Variants in GPLD1 observed in about 807,000 individuals in gnomAD.
GPLD1 encodes phosphatidylinositol-glycan-specific phospholipase D.
A neutral mutation model predicts 112.6 loss-of-function variants in GPLD1; 84 were observed. The ratio of observed to expected loss-of-function variants is 0.75; its 90% CI spans 0.63 to 0.89. The LOEUF (loss-of-function observed/expected upper bound fraction) is 0.89. Among genes scored for constraint, GPLD1 ranks in the 40% least tolerant of loss-of-function variants. GPLD1 has a pLI of 0.00. For missense variants in GPLD1, 1,044 were observed against 1,051.5 expected (o/e 0.99, Z 0.10); for synonymous variants, 386 against 403.8 (o/e 0.96, Z 0.53).
At chr6:24,481,428 C>T (rs1281670569) in intron 2 of GPLD1, among the ~76,000 whole-genome samples, 2 of 148,800 alleles carry the variant, frequency 1.3e-5, no homozygotes, top group African/African-American at 5.0e-5. Flanking sequence ...GAAATTAAAA[C>T]ACAAAGAAAG....
At chr6:24,433,279 G>C in intron 23 of GPLD1, 42 bp from the exon 24 acceptor site, 2 of 1,591,604 alleles carry the variant, frequency 1.3e-6, no homozygotes, top group Non-Finnish European at 1.7e-6. Context: ...GAAGAACATA[G>C]TGTAATACTT....
chr6:24,491,567 G>C (rs1409181641), upstream of GPLD1, among the ~76,000 whole-genome samples: 5 of 152,060 alleles, frequency 3.3e-5, no homozygotes, highest in Non-Finnish European at 7.4e-5. Context: ...AATTAGCCGG[G>C]CATGGTGGCA....
intron 7 of GPLD1, among the ~76,000 whole-genome samples, chr6:24,470,733 G>A (rs1008425104): frequency 4.6e-5 from 7 of 152,060 alleles, no homozygotes; most frequent in East Asian, 1.9e-4. Context: ...CAAGTTGCTG[G>A]GATTACAGGC....
intron 12 of GPLD1, among the ~76,000 whole-genome samples, chr6:24,459,374 C>T (rs1763364447): frequency 6.6e-6 from 1 of 152,144 alleles, no homozygotes; most frequent in Non-Finnish European, 1.5e-5. Context: ...CCACCTCAGC[C>T]TCCCGAATAG....
intron 2 of GPLD1, 53 bp from the exon 3 acceptor site, chr6:24,480,012 A>T: frequency 9.3e-7 from 1 of 1,075,240 alleles, no homozygotes; most frequent in South Asian, 1.3e-5. Context: ...CAGCCTGGGG[A>T]GTATAGGCCC....
intron 17 of GPLD1, 121 bp downstream of exon 17, chr6:24,447,756 G>T: frequency 1.1e-6 from 1 of 900,908 alleles, no homozygotes; most frequent in Non-Finnish European, 1.7e-6. Context: ...GTAACAGACT[G>T]TTAGAAAATG....
chr6:24,476,417 C>G, intron 3 of GPLD1, 139 bp from the exon 4 acceptor site: 1 of 589,978 alleles, frequency 1.7e-6, no homozygotes. Context: ...TGTCGACTTT[C>G]AAAAGAAGCC....
intron 2 of GPLD1, among the ~76,000 whole-genome samples, chr6:24,481,033 A>T (rs1218279682): frequency 6.6e-6 from 1 of 152,196 alleles, no homozygotes; most frequent in Non-Finnish European, 1.5e-5. Flanking sequence ...CCAATAGGTG[A>T]GGTGGTGGCT....
Position 24,429,473 on chromosome 6 carries a change from C to T in GPLD1, c.2437-355G>A, listed in dbSNP as rs115315455. Among the ~76,000 whole-genome samples, 605 of 152,308 alleles carry T rather than the reference C, an allele frequency of 4.0e-3. 8 individuals are homozygous for T. The East Asian group carries it at 0.05, about 13-fold the overall frequency. On this transcript the variant is annotated intron_variant, in intron 24 of 24. Transcript: ENST00000230036. ...TTGTCAATGTGTTTAGCGTACCTCC[C>T]ACCTACCCTGCTGCTTAAAACATTT...
chr6:24,470,645 C>T (rs1001657891), intron 7 of GPLD1, among the ~76,000 whole-genome samples: 2 of 152,082 alleles, frequency 1.3e-5, no homozygotes, highest in African/African-American at 4.8e-5. Flanking sequence ...GTCTCTCAGG[C>T]TGAAGTGCAA....
rs117742912 is a variant in GPLD1, at chr6:24,438,118, C to T, written c.2021-829G>A. ...AGCTGTGCCCAGTGCCTTCTGAATACCCACGGCAGGGCAGCATCGCTCTGC... is the reference window on the plus strand; with the variant it reads ...AGCTGTGCCCAGTGCCTTCTGAATATCCACGGCAGGGCAGCATCGCTCTGC... On this transcript the variant is annotated intron_variant, in intron 20 of 24. Transcript: ENST00000230036. 2.3e-3 allele frequency among the ~76,000 whole-genome samples: 352 copies of T among 152,322 alleles called. 6 individuals carry two copies. The East Asian group carries it at 0.026, about 11-fold the overall frequency.
At position 24,447,902 on chromosome 6, in the gene GPLD1, A is replaced by C; in HGVS notation, c.1653T>G (p.Tyr551Ter). ...CTTTGTCGCTCAGGCTGGGGCCAGA[A>C]TAAAACGCAGCCACAATTCCCTTCT... ...GKQKGIVAAF[Y>*]SGPSLSDKEK... The change falls in exon 17 of 25, where the codon TAT becomes TAG. Residue 551 changes from tyrosine to a stop codon, truncating the protein, a stop_gained. Coordinates refer to ENST00000230036, the MANE Select transcript of GPLD1 (RefSeq NM_001503.4). LOFTEE classifies it high-confidence loss of function. 1 of 1,614,086 alleles carries C rather than the reference A, an allele frequency of 6.2e-7. No individual in the cohort carries two copies. The highest frequency in any genetic ancestry group is 8.5e-7 in the Non-Finnish European group (1 of 1,180,022).
At chr6:24,470,131 T>C (rs1283830894) in intron 7 of GPLD1, among the ~76,000 whole-genome samples, 1 of 149,576 alleles carries the variant, frequency 6.7e-6, no homozygotes, top group Non-Finnish European at 1.5e-5. Context: ...GACGGTTTTT[T>C]TTTTGTTTGT....
chr6:24,474,174 TACACACACAC>T (rs56324939), intron 5 of GPLD1, among the ~76,000 whole-genome samples: 27,756 of 145,578 alleles, frequency 0.19, 3,120 homozygotes, highest in Non-Finnish European at 0.26. Flanking sequence ...CACACCCACA[TACACACACAC>T]ACACACACAC....
chr6:24,437,404 T>G, intron 20 of GPLD1, 115 bp from the exon 21 acceptor site: 8 of 1,007,536 alleles, frequency 7.9e-6, no homozygotes, highest in South Asian at 1.6e-5. Context: ...GGACAGTCGG[T>G]TTCGGAGCTG....
chr6:24,458,667 T>G (rs566912330), intron 12 of GPLD1, among the ~76,000 whole-genome samples: 1 of 152,182 alleles, frequency 6.6e-6, no homozygotes, highest in Admixed American at 6.5e-5. Context: ...TTACCTAAGG[T>G]CAGGAGTTCA....
chr6:24,460,278 C>A lies in GPLD1; in HGVS notation c.1008+1G>T. 6.2e-7 allele frequency: 1 copy of A among 1,613,850 alleles called. No individual in the cohort carries two copies. The highest frequency in any genetic ancestry group is 8.5e-7 in the Non-Finnish European group (1 of 1,179,886). On this transcript the variant is annotated splice_donor_variant, in intron 12 of 24. Transcript: ENST00000230036. LOFTEE classifies it high-confidence loss of function. ...CTCAACTTAGAGCAGAAAATTCTTA[C>A]CGGGGTCCAGGAATTTACACTAAAG...
chr6:24,426,791 T>A lies in GPLD1; in HGVS notation c.*2241A>T, dbSNP rs114062501. Among the ~76,000 whole-genome samples the A allele has an allele frequency of 0.01, 1,568 of 152,304 alleles. 28 individuals are homozygous for A. Among genetic ancestry groups the A allele is most frequent in the African/African-American group, 0.035 (1,452 of 41,554 alleles). On this transcript the variant is annotated 3_prime_UTR_variant, in exon 25 of 25. Coordinates refer to ENST00000230036, the MANE Select transcript of GPLD1 (RefSeq NM_001503.4). ...AACCATCCTTTTAATTAAAAGTAAT[T>A]CTTCAGATAGGTTGGGCTACCAATA...
At position 24,467,231 on chromosome 6, in the gene GPLD1, A is replaced by G; in HGVS notation, c.589T>C (p.Tyr197His). ...KDLLGIYEKL[Y>H]GRKVITENVI... ...TTTTCGGTGATGACTTTTCGACCAT[A>G]CAGTTTCTCATAAATTCCCAGTAGA... The change falls in exon 8 of 25, where the codon TAT becomes CAT. Residue 197 changes from tyrosine (Y) to histidine (H), a missense_variant. Tyr to His is a moderately conservative substitution (Grantham distance 83, BLOSUM62 2). Coordinates refer to ENST00000230036, the MANE Select transcript of GPLD1 (RefSeq NM_001503.4). 1.2e-6 allele frequency: 2 copies of G among 1,607,080 alleles called. No homozygotes were observed. Among genetic ancestry groups the G allele is most frequent in the East Asian group, 4.5e-5 (2 of 44,838 alleles).
Sources: gnomAD v4.1 joint callset for allele counts (sites outside exome capture counted in the v4.1 genomes callset) on GRCh38, gnomAD v4.1.1 for gene constraint, MANE v1.5 for transcripts, NCBI Gene and HGNC (gene_info 2026-07-23, HGNC 2026-07-21) for gene names.